OLA1: variants seen among roughly 807,000 people sequenced by gnomAD.
OLA1 encodes Obg like ATPase 1, also known as obg-like ATPase 1.
In OLA1, 14 loss-of-function variants were observed where a neutral mutation model predicts 48.4. The ratio of observed to expected loss-of-function variants is 0.29; its 90% CI spans 0.19 to 0.45. The LOEUF (loss-of-function observed/expected upper bound fraction) is 0.45, where lower values mean the gene tolerates loss of function less well. Among genes scored for constraint, OLA1 ranks in the 20% least tolerant of loss-of-function variants. The pLI is 1.00. For missense variants in OLA1, 325 were observed against 467.1 expected (o/e 0.70, Z 2.80); for synonymous variants, 127 against 150.4 (o/e 0.84, Z 1.14).
At chr2:174,191,906 T>G (rs1422887429) in intron 4 of OLA1, among the ~76,000 whole-genome samples, 3 of 152,202 alleles carry the variant, frequency 2.0e-5, no homozygotes, top group Non-Finnish European at 4.4e-5. Flanking sequence ...TCACAGCACA[T>G]ATGTACAAAC....
chr2:174,173,020 G>A (rs1687343677), intron 4 of OLA1, among the ~76,000 whole-genome samples: 1 of 152,128 alleles, frequency 6.6e-6, no homozygotes, highest in African/African-American at 2.4e-5. Context: ...CTAAGCTCCT[G>A]GGGCCTCACC....
Position 174,157,553 on chromosome 2 carries a change from G to C in OLA1, c.374-15553C>G, listed in dbSNP as rs181603348. On this transcript the variant is annotated intron_variant, in intron 4 of 10. Transcript: ENST00000284719. Reference sequence around the variant, plus strand: ...ATGCTGTGAGAAGAGAGAAAATACTGTCTCTGCTGGAATTTGAAACTAGTG... The same window carrying C: ...ATGCTGTGAGAAGAGAGAAAATACTCTCTCTGCTGGAATTTGAAACTAGTG... Among the ~76,000 whole-genome samples, 95 of 152,312 alleles carry C rather than the reference G, an allele frequency of 6.2e-4. 2 individuals are homozygous for C. The highest frequency in any genetic ancestry group is 4.8e-3 in the Admixed American group (74 of 15,292).
At chr2:174,203,052 C>T (rs1688025409) in intron 4 of OLA1, among the ~76,000 whole-genome samples, 1 of 152,066 alleles carries the variant, frequency 6.6e-6, no homozygotes, top group Non-Finnish European at 1.5e-5. Context: ...ATGACATCAA[C>T]TTTGTCTCCT....
intron 4 of OLA1, among the ~76,000 whole-genome samples, chr2:174,195,502 A>T (rs1196251267): frequency 6.6e-6 from 1 of 152,180 alleles, no homozygotes; most frequent in Non-Finnish European, 1.5e-5. Flanking sequence ...CTTATATACT[A>T]ATGTCCACTA....
At chr2:174,128,685 CG>C (rs1489161918) in intron 5 of OLA1, among the ~76,000 whole-genome samples, 4 of 150,208 alleles carry the variant, frequency 2.7e-5, no homozygotes, top group African/African-American at 9.8e-5. Context: ...TGCAGTGAGC[CG>C]AGATTGCACC....
intron 4 of OLA1, among the ~76,000 whole-genome samples, chr2:174,167,588 T>C (rs1687195842): frequency 6.6e-6 from 1 of 152,170 alleles, no homozygotes; most frequent in Admixed American, 6.6e-5. Flanking sequence ...AATATACATA[T>C]ATAATCCTTA....
intron 4 of OLA1, among the ~76,000 whole-genome samples, chr2:174,153,398 A>G (rs1396804185): frequency 6.6e-6 from 1 of 152,206 alleles, no homozygotes; most frequent in Non-Finnish European, 1.5e-5. Flanking sequence ...TGAGATAAAG[A>G]GAAAGCACGT....
At chr2:174,097,294 C>A (rs1429436231) in intron 7 of OLA1, among the ~76,000 whole-genome samples, 1 of 152,076 alleles carries the variant, frequency 6.6e-6, no homozygotes, top group Non-Finnish European at 1.5e-5. Flanking sequence ...TACATTTAAG[C>A]AACTATGTGT....
intron 5 of OLA1, among the ~76,000 whole-genome samples, chr2:174,131,251 C>T (rs1686173247): frequency 6.6e-6 from 1 of 151,954 alleles, no homozygotes; most frequent in South Asian, 2.1e-4. Flanking sequence ...TTCTTCTGCT[C>T]AATATTATTT....
At position 174,145,952 on chromosome 2, in the gene OLA1, G is replaced by C. The variant is rs538322843; in HGVS notation, c.374-3952C>G. 1.4e-4 allele frequency among the ~76,000 whole-genome samples: 21 copies of C among 152,190 alleles called. No homozygotes were observed. The South Asian group carries it at 2.5e-3, about 18-fold the overall frequency. On this transcript the variant is annotated intron_variant, in intron 4 of 10. Coordinates refer to ENST00000284719, the MANE Select transcript of OLA1 (RefSeq NM_013341.5). ...CGTATGTGTGTGCTGAGAAGAGTGA[G>C]GAGTTGTGCAATACTTCAGCTAGGA...
chr2:174,163,705 TAA>T (rs1558984322), intron 4 of OLA1, among the ~76,000 whole-genome samples: 1 of 43,570 alleles, frequency 2.3e-5, no homozygotes, highest in Non-Finnish European at 3.6e-5. Flanking sequence ...ATAAAATAAA[TAA>T]ATAAATATAT....
At chr2:174,097,527 G>A (rs578042060) in intron 7 of OLA1, among the ~76,000 whole-genome samples, 1 of 152,210 alleles carries the variant, frequency 6.6e-6, no homozygotes, top group African/African-American at 2.4e-5. Context: ...TCCTGGCTGG[G>A]TGCAGTGGCT....
intron 4 of OLA1, among the ~76,000 whole-genome samples, chr2:174,204,186 G>A (rs112819689): frequency 2.0e-5 from 3 of 151,980 alleles, no homozygotes; most frequent in African/African-American, 7.2e-5. Context: ...CGGATCACAA[G>A]ATCAGGAGAT....
In OLA1 at chr2:174,237,155, AT is replaced by A. The variant is rs549888190; in HGVS notation, c.102-7705del. ...TTTTTTCTTTATATCCTTATTCCAT[AT>A]GCTTTTTTATATCTTTAAAATGTGT... is the stretch of plus-strand genomic sequence containing the variant. On this transcript the variant is annotated intron_variant, in intron 2 of 10. Transcript: ENST00000284719. Among the ~76,000 whole-genome samples, 9 of 152,078 alleles carry A rather than the reference AT, an allele frequency of 5.9e-5. No individual in the cohort carries two copies. In the South Asian group the frequency reaches 1.9e-3, roughly 32 times the overall value.
intron 4 of OLA1, among the ~76,000 whole-genome samples, chr2:174,177,463 GAA>G (rs1687445145): frequency 6.6e-6 from 1 of 152,086 alleles, no homozygotes. Flanking sequence ...TTAACTGCAT[GAA>G]AGTCTTTCAA....
At chr2:174,165,720 C>A (rs1687146796) in intron 4 of OLA1, among the ~76,000 whole-genome samples, 1 of 152,152 alleles carries the variant, frequency 6.6e-6, no homozygotes, top group Admixed American at 6.5e-5. Context: ...ACCGGATTAG[C>A]TTATCAAATT....
intron 1 of OLA1, chr2:174,247,902 C>A: frequency 8.9e-7 from 1 of 1,118,908 alleles, no homozygotes; most frequent in Non-Finnish European, 1.3e-6. Flanking sequence ...AGTGAAATCA[C>A]AAAGACCGCT....
At chr2:174,082,128 T>C (rs566161581) in intron 7 of OLA1, 64 bp from the exon 8 acceptor site, 81 of 1,528,538 alleles carry the variant, frequency 5.3e-5, no homozygotes, top group African/African-American at 3.1e-4. Flanking sequence ...ACATTCATTA[T>C]TATCAAGTAG....
At chr2:174,220,363 T>C (rs944671705) in intron 4 of OLA1, among the ~76,000 whole-genome samples, 1 of 152,164 alleles carries the variant, frequency 6.6e-6, no homozygotes, top group Non-Finnish European at 1.5e-5. Flanking sequence ...CTCCTTTTGC[T>C]AACTTAGTTC....
Sources: gnomAD v4.1 joint callset for allele counts (sites outside exome capture counted in the v4.1 genomes callset) on GRCh38, gnomAD v4.1.1 for gene constraint, MANE v1.5 for transcripts, NCBI Gene and HGNC (gene_info 2026-07-23, HGNC 2026-07-21) for gene names.